Variants in RTN1 observed in about 807,000 individuals in gnomAD.
The protein encoded by RTN1 is reticulon 1, also known as reticulon-1.
In RTN1, 25 loss-of-function variants were observed where a neutral mutation model predicts 65.5. The observed-to-expected ratio is 0.38, with a 90% CI of 0.28 to 0.53. RTN1 has a LOEUF of 0.53. Among genes scored for constraint, RTN1 ranks in the 20% least tolerant of loss-of-function variants. RTN1 has a pLI of 0.79. For missense variants in RTN1, 983 were observed against 1,025.4 expected (o/e 0.96, Z 0.57); for synonymous variants, 471 against 447.6 (o/e 1.05, Z -0.66).
chr14:59,607,410 G>T lies in RTN1; in HGVS notation c.1848C>A (p.Thr616=). 6.2e-7 allele frequency: 1 copy of T among 1,613,942 alleles called. No homozygotes were observed. Among genetic ancestry groups the T allele is most frequent in the Non-Finnish European group, 8.5e-7 (1 of 1,179,954 alleles). ...CCACGACGCTCACCACGCTGAACTG[G>T]GTCAGGGAGAAGAGCAGCAGCAGGA... ...GSFLLLLFSL[T]QFSVVSVVAY... Residue 616 remains threonine, a synonymous_variant, in exon 4 of 9, where the codon ACC becomes ACA. Transcript: ENST00000267484.
At chr14:59,752,119 A>C (rs1202820435) in intron 1 of RTN1, among the ~76,000 whole-genome samples, 2 of 152,184 alleles carry the variant, frequency 1.3e-5, no homozygotes, top group Admixed American at 1.3e-4. Context: ...CAAGCCATTA[A>C]ACATAAGGAG....
chr14:59,707,203 T>C (rs1272390944), intron 3 of RTN1, among the ~76,000 whole-genome samples: 6 of 152,250 alleles, frequency 3.9e-5, no homozygotes, highest in Non-Finnish European at 8.8e-5. Context: ...TCATGGTTAA[T>C]GTTGAAACAT....
chr14:59,846,912 A>G lies in RTN1; in HGVS notation c.241+23478T>C, dbSNP rs1244998228. Among the ~76,000 whole-genome samples, 6 of 152,174 alleles carry G rather than the reference A, an allele frequency of 3.9e-5. No homozygotes were observed. The highest frequency in any genetic ancestry group is 1.4e-4 in the African/African-American group (6 of 41,448). ...ATCTGGAGGCTTAAAGATAAATGCA[A>G]ATGAAGAGCTCTGTACCCCTTCATC... On this transcript the variant is annotated intron_variant, in intron 1 of 8. Transcript: ENST00000267484. This position sits in a 1 kb window ranked among gnomAD's most constrained non-coding sequence, Gnocchi z 4.8.
chr14:59,672,232 A>C (rs990037962), intron 3 of RTN1, among the ~76,000 whole-genome samples: 1 of 152,226 alleles, frequency 6.6e-6, no homozygotes, highest in Admixed American at 6.5e-5. Flanking sequence ...ATATGTAAAT[A>C]GCCAGCAATT....
intron 3 of RTN1, among the ~76,000 whole-genome samples, chr14:59,694,215 T>A (rs1884017199): frequency 6.6e-6 from 1 of 152,230 alleles, no homozygotes; most frequent in Admixed American, 6.5e-5. Flanking sequence ...AGGATTTTTT[T>A]AACTTCAATA....
At chr14:59,606,939 A>G (rs1881778307) in intron 4 of RTN1, among the ~76,000 whole-genome samples, 1 of 152,198 alleles carries the variant, frequency 6.6e-6, no homozygotes, top group Non-Finnish European at 1.5e-5. Flanking sequence ...ATGTCATGTC[A>G]CTTCTCAGAA....
chr14:59,653,106 TCACCTAGACA>T (rs1204737070), intron 3 of RTN1, among the ~76,000 whole-genome samples: 6 of 152,032 alleles, frequency 3.9e-5, no homozygotes, highest in African/African-American at 1.2e-4. Context: ...AAAGAGAGCC[TCACCTAGACA>T]CACCTTTATC....
At chr14:59,626,183 A>G (rs923286182) in intron 3 of RTN1, among the ~76,000 whole-genome samples, 8 of 152,136 alleles carry the variant, frequency 5.3e-5, no homozygotes, top group African/African-American at 1.9e-4. Flanking sequence ...AAAACAGATT[A>G]TTTCCTCGGT....
intron 1 of RTN1, among the ~76,000 whole-genome samples, chr14:59,771,871 T>C (rs894768792): frequency 1.3e-5 from 2 of 152,246 alleles, no homozygotes; most frequent in Admixed American, 6.5e-5. Flanking sequence ...CCATTTTGCA[T>C]TGTGCTTTTA....
chr14:59,814,015 A>T (rs1886775275), intron 1 of RTN1, among the ~76,000 whole-genome samples: 1 of 152,220 alleles, frequency 6.6e-6, no homozygotes, highest in African/African-American at 2.4e-5. Context: ...TTTCTCATGA[A>T]AAAGATGCCT....
In RTN1 at chr14:59,791,095, G is replaced by C. The variant is rs1433262162; in HGVS notation, c.242-44614C>G. Among the ~76,000 whole-genome samples the C allele has an allele frequency of 2.6e-5, 4 of 152,004 alleles. No individual in the cohort carries two copies. In the South Asian group the frequency reaches 8.3e-4, roughly 32 times the overall value. On this transcript the variant is annotated intron_variant, in intron 1 of 8. Coordinates refer to ENST00000267484, the MANE Select transcript of RTN1 (RefSeq NM_021136.3). ...CTTTTAAATTTCTTTATAGCGAAAA[G>C]CAATCATTGAGGTAAGATATTTCCA...
At chr14:59,713,073 G>A (rs552662391) in intron 3 of RTN1, among the ~76,000 whole-genome samples, 26 of 152,212 alleles carry the variant, frequency 1.7e-4, no homozygotes, top group African/African-American at 6.3e-4. Context: ...CAGTGATGTA[G>A]GTACTATTAT....
chr14:59,603,221 A>G lies in RTN1; in HGVS notation c.2220T>C (p.Val740=). The G allele has an allele frequency of 6.2e-7, 1 of 1,613,532 alleles. No homozygotes were observed. Among genetic ancestry groups the G allele is most frequent in the Non-Finnish European group, 8.5e-7 (1 of 1,179,732 alleles). Residue 740 remains valine (V), a synonymous_variant, in exon 7 of 9, where the codon GTT becomes GTC. Transcript: ENST00000267484. ...ATCACATAGAACTTACCTGGTGCTT[A>G]ACATACACTACAGGTAGAGTAAACA... ...VSMFTLPVVY[V]KHQAQIDQYL...
intron 3 of RTN1, among the ~76,000 whole-genome samples, chr14:59,658,191 C>T (rs1041025239): frequency 1.3e-5 from 2 of 152,172 alleles, no homozygotes; most frequent in African/African-American, 4.8e-5. Context: ...AGACGGACTG[C>T]CTCTCTAGAT....
chr14:59,817,832 A>G (rs1886850671), intron 1 of RTN1, among the ~76,000 whole-genome samples: 1 of 152,204 alleles, frequency 6.6e-6, no homozygotes, highest in South Asian at 2.1e-4. Context: ...ACCAGTGCTT[A>G]ACACTTGTTT....
At chr14:59,680,949 A>T (rs1031089745) in intron 3 of RTN1, among the ~76,000 whole-genome samples, 7 of 152,182 alleles carry the variant, frequency 4.6e-5, no homozygotes, top group African/African-American at 1.7e-4. Flanking sequence ...TACAGCCAAC[A>T]TAACAAGTAT....
chr14:59,744,306 G>A (rs1280043265), intron 2 of RTN1, among the ~76,000 whole-genome samples: 1 of 152,208 alleles, frequency 6.6e-6, no homozygotes, highest in Non-Finnish European at 1.5e-5. Context: ...AGGGGCAGGG[G>A]AAGGTTTGAG....
intron 3 of RTN1, among the ~76,000 whole-genome samples, chr14:59,690,299 G>A (rs1008952889): frequency 2.0e-5 from 3 of 150,710 alleles, no homozygotes; most frequent in Admixed American, 6.6e-5. Flanking sequence ...AACAAAGAGC[G>A]GAGGTGGGGG....
At chr14:59,621,410 C>T (rs1566663538) in intron 3 of RTN1, among the ~76,000 whole-genome samples, 1 of 152,164 alleles carries the variant, frequency 6.6e-6, no homozygotes, top group Non-Finnish European at 1.5e-5. Flanking sequence ...TTGCTAAAAA[C>T]TGAGGAGAAA....
Sources: gnomAD v4.1 joint callset for allele counts (sites outside exome capture counted in the v4.1 genomes callset) on GRCh38, gnomAD v4.1.1 for gene constraint, Gnocchi (gnomAD v3.1) non-coding constraint, MANE v1.5 for transcripts, NCBI Gene and HGNC (gene_info 2026-07-23, HGNC 2026-07-21) for gene names.